Variants in TFAP2A observed in about 807,000 individuals in gnomAD.
TFAP2A encodes transcription factor AP-2-alpha.
TFAP2A carries 7 observed loss-of-function variants against 41.5 expected under a neutral mutation model. The ratio of observed to expected loss-of-function variants is 0.17; its 90% CI spans 0.10 to 0.32. The LOEUF is 0.32. TFAP2A is among the 10% of genes least tolerant of loss of function. The pLI is 1.00. For missense variants in TFAP2A, 416 were observed against 563.3 expected (o/e 0.74, Z 2.65); for synonymous variants, 247 against 242.8 (o/e 1.02, Z -0.16).
chr6:10,416,074 C>T (rs569234825), upstream of TFAP2A: 1 of 152,328 alleles, frequency 6.6e-6, no homozygotes, highest in East Asian at 1.9e-4. Context: ...GAACTGCACA[C>T]CCGCTTCTGA....
At chr6:10,409,880 G>T in intron 2 of TFAP2A, 21 bp downstream of exon 2, 1 of 1,547,822 alleles carries the variant, frequency 6.5e-7, no homozygotes. Context: ...TCCCTCCCGC[G>T]CTGGTTGCGC....
At chr6:10,414,908 C>T (rs1409081159) in intron 1 of TFAP2A, 33 bp downstream of exon 1, 2 of 1,613,754 alleles carry the variant, frequency 1.2e-6, no homozygotes, top group Admixed American at 3.3e-5. Context: ...GAGCCTGTGA[C>T]CGCACGGATG....
intron 1 of TFAP2A, chr6:10,414,520 G>C (rs973199567): frequency 1.2e-5 from 4 of 328,346 alleles, no homozygotes; most frequent in Non-Finnish European, 2.3e-5. Flanking sequence ...TTAAAGATCG[G>C]AGAGGAAGTT....
intron 5 of TFAP2A, chr6:10,402,109 A>T (rs1017933173): frequency 8.2e-6 from 3 of 365,166 alleles, no homozygotes; most frequent in Non-Finnish European, 1.6e-5. Flanking sequence ...CAGGTCAAAG[A>T]TTCCCAAATT....
At position 10,402,414 on chromosome 6, in the gene TFAP2A, G is replaced by A. The variant is rs147262295; in HGVS notation, c.889+78C>T. The A allele has an allele frequency of 2.1e-3, 2,244 of 1,068,566 alleles. 4 individuals are homozygous for A. The highest frequency in any genetic ancestry group is 8.1e-3 in the African/African-American group (519 of 64,260). 66.2% of individuals were successfully genotyped at this position (1,068,566 alleles called of 1,614,324 possible). On this transcript the variant is annotated intron_variant, in intron 5 of 6. Coordinates refer to ENST00000379613, the MANE Select transcript of TFAP2A (RefSeq NM_001372066.1). ...AAACTGCCCAACTGACATAAAATAC[G>A]ACCAAACATCTGGCCACTAAATATT... is the stretch of plus-strand genomic sequence containing the variant.
At chr6:10,403,840 C>T (rs1247499258) in intron 4 of TFAP2A, among the ~76,000 whole-genome samples, 7 of 152,164 alleles carry the variant, frequency 4.6e-5, no homozygotes, top group Admixed American at 4.6e-4. Context: ...GTAGTGACTA[C>T]ACACAATGCA....
At chr6:10,410,369 G>A (rs1228429028) in intron 1 of TFAP2A, 34 bp from the exon 2 acceptor site, 3 of 1,574,084 alleles carry the variant, frequency 1.9e-6, no homozygotes, top group South Asian at 1.1e-5. Context: ...TAAAGAACAA[G>A]GAATCAGGCG....
At chr6:10,416,954 C>G (rs1758267034), upstream of TFAP2A, 1 of 152,722 alleles carries the variant, frequency 6.5e-6, no homozygotes, top group Non-Finnish European at 1.5e-5. Context: ...CTGAACCGGG[C>G]TGGAGGCTTG....
chr6:10,401,900 T>C (rs1762021340), intron 5 of TFAP2A: 1 of 221,942 alleles, frequency 4.5e-6, no homozygotes, highest in Non-Finnish European at 9.0e-6. Context: ...TATGTATGTT[T>C]AAAGCTACCA....
intron 1 of TFAP2A, chr6:10,411,164 C>G (rs1414686734): frequency 2.0e-5 from 4 of 198,748 alleles, no homozygotes; most frequent in Non-Finnish European, 4.2e-5. Context: ...CCAGAGACCG[C>G]GAACCCTCGG....
Position 10,414,950 on chromosome 6 carries a change from C to T in TFAP2A, c.42G>A (p.Glu14=), listed in dbSNP as rs972628376. The T allele has an allele frequency of 6.2e-7, 1 of 1,614,044 alleles. No individual in the cohort carries two copies. Among genetic ancestry groups the T allele is most frequent in the Admixed American group, 1.7e-5 (1 of 60,014 alleles). ...LWKLTDNIKY[E]DCEDRHDGTS... is the part of the protein sequence containing the mutation. ...CCGGCGTCGCGCTTACCTCGCAGTC[C>T]TCGTACTTGATATTATCCGTCAATT... The change falls in exon 1 of 7, where the codon GAG becomes GAA. Residue 14 remains glutamate, a synonymous_variant. Transcript: ENST00000379613.
intron 5 of TFAP2A, chr6:10,402,055 G>C (rs1022345585): frequency 6.0e-6 from 2 of 335,564 alleles, no homozygotes; most frequent in Non-Finnish European, 1.2e-5. Flanking sequence ...AGACCTGAAA[G>C]GGCACATAAC....
At chr6:10,412,182 A>T (rs1289187562) in intron 1 of TFAP2A, 14 of 987,226 alleles carry the variant, frequency 1.4e-5, no homozygotes, top group Non-Finnish European at 1.7e-5. Flanking sequence ...GGGGAGAGGG[A>T]GCGCGAGAGA....
At chr6:10,404,078 T>G (rs920285280) in intron 4 of TFAP2A, among the ~76,000 whole-genome samples, 1 of 152,128 alleles carries the variant, frequency 6.6e-6, no homozygotes, top group African/African-American at 2.4e-5. Context: ...CTCAGAGAGG[T>G]AAGGCAAAGC....
In TFAP2A at chr6:10,398,398, G is replaced by T. The variant is rs771942212; in HGVS notation, c.*19C>A. On this transcript the variant is annotated 3_prime_UTR_variant, in exon 7 of 7. Transcript: ENST00000379613. The surrounding 1 kb of genome is among the most constrained non-coding windows in gnomAD (Gnocchi z 5.3). ...GGGGGGCTGGTGAGGCGTGGGAGGG[G>T]CGGGGCGGGAGGAGAGCCTCACTTT... is the stretch of plus-strand genomic sequence containing the variant. 5.0e-6 allele frequency: 8 copies of T among 1,611,870 alleles called. No individual in the cohort carries two copies. The highest frequency in any genetic ancestry group is 3.3e-5 in the Admixed American group (2 of 59,954).
chr6:10,411,486 C>T (rs929830921), intron 1 of TFAP2A: 1 of 1,607,698 alleles, frequency 6.2e-7, no homozygotes, highest in Non-Finnish European at 8.5e-7. Flanking sequence ...GCGTGAAACC[C>T]GAGGTTTCGG....
At chr6:10,417,542 A>G (rs924733535), upstream of TFAP2A, among the ~76,000 whole-genome samples, 6 of 152,172 alleles carry the variant, frequency 3.9e-5, no homozygotes, top group South Asian at 1.2e-3. Context: ...CCGGGACAGC[A>G]GCGCCAGGCC....
At chr6:10,414,738 G>A (rs1008974124) in intron 1 of TFAP2A, 3 of 736,372 alleles carry the variant, frequency 4.1e-6, no homozygotes, top group African/African-American at 3.5e-5. Flanking sequence ...TCAAAGTAGG[G>A]AAACCAAAGA....
In TFAP2A at chr6:10,410,054, G is replaced by C; in HGVS notation, c.333C>G (p.His111Gln). The part of the protein sequence containing the change: ...QRQSQESGLL[H>Q]THRGLPHQLS... ...GCTGGTGAGGCAGCCCCCGGTGCGT[G>C]TGCAGGAGCCCAGACTCCTGGCTCT... The change falls in exon 2 of 7, where the codon CAC (histidine) becomes CAG (glutamine). Residue 111 changes from histidine (H) to glutamine (Q), a missense_variant. Around this residue, in one of 3 missense-constraint regions of TFAP2A, gnomAD observed 241 missense variants for 274.1 expected, o/e 0.88. Coordinates refer to ENST00000379613, the MANE Select transcript of TFAP2A (RefSeq NM_001372066.1). 1 of 1,612,948 alleles carries C rather than the reference G, an allele frequency of 6.2e-7. No individual in the cohort carries two copies. The highest frequency in any genetic ancestry group is 1.7e-4 in the Middle Eastern group (1 of 6,052).
Sources: gnomAD v4.1 joint callset for allele counts (sites outside exome capture counted in the v4.1 genomes callset) on GRCh38, gnomAD v4.1.1 for gene constraint, gnomAD v4.1.1 regional missense constraint, Gnocchi (gnomAD v3.1) non-coding constraint, MANE v1.5 for transcripts, NCBI Gene and HGNC (gene_info 2026-07-23, HGNC 2026-07-21) for gene names.